The following CGGBP1 variants were observed in gnomAD, a reference collection of about 807,000 sequenced individuals.
The protein encoded by CGGBP1 is CGG triplet repeat binding protein 1.
A neutral mutation model predicts 11.4 loss-of-function variants in CGGBP1; 4 were observed. The observed-to-expected ratio is 0.35, with a 90% confidence interval of 0.17 to 0.80. CGGBP1 has a LOEUF of 0.80. Among genes scored for constraint, CGGBP1 ranks in the 30% least tolerant of loss-of-function variants. The pLI, the probability that CGGBP1 is intolerant of heterozygous loss-of-function variation, is 0.52. For synonymous variants in CGGBP1, 76 were observed against 74.1 expected (o/e 1.03, Z -0.13); for missense variants, 135 against 202.1 (o/e 0.67, Z 2.01).
rs1224208847 is a variant in CGGBP1, at chr3:88,058,902, G to A, written c.-418C>T. On this transcript the variant is annotated 5_prime_UTR_variant, in exon 1 of 4. Transcript: ENST00000482016. ...GAAGAAAGAGGAGCAAGGGAATAAG[G>A]GAGGAGGAGGATCCGTCGCTGCCGC... 5.5e-6 allele frequency: 1 copy of A among 180,330 alleles called. No homozygotes were observed. Among genetic ancestry groups the A allele is most frequent in the Admixed American group, 6.1e-5 (1 of 16,278 alleles). The allele number at this position is 180,330 out of a possible 1,614,324, so 11.2% of individuals were successfully genotyped here.
At chr3:88,072,973 GTTAGTTTTAAAATGTAGGCA>G (rs1228453825) in intron 2 of CGGBP1, among the ~76,000 whole-genome samples, 2 of 9,116 alleles carry the variant, frequency 2.2e-4, no homozygotes, top group East Asian at 0.013. Context: ...TAAAAAAATT[GTTAGTTTTAAAATGTAGGCA>G]TGAAGAAAGG....
intron 2 of CGGBP1, chr3:88,128,979 A>G: frequency 6.5e-7 from 1 of 1,534,702 alleles, no homozygotes; most frequent in Non-Finnish European, 8.7e-7. Flanking sequence ...ATGTCTGTTT[A>G]TGTCACCTGT....
Position 88,055,964 on chromosome 3 carries a change from C to G in CGGBP1, c.13G>C (p.Val5Leu). 6.2e-7 allele frequency: 1 copy of G among 1,609,326 alleles called. No homozygotes were observed. The highest frequency in any genetic ancestry group is 8.5e-7 in the Non-Finnish European group (1 of 1,176,972). MERF[V>L]VTAPPARNRS... is the part of the protein sequence containing the mutation. The stretch of plus-strand genomic sequence containing the variant: ...TTTCGAGCAGGTGGTGCTGTTACTA[C>G]AAATCGCTCCATTCTGACTCTAAAT... Residue 5 changes from valine to leucine, a missense_variant, in exon 4 of 4, where the codon GTA (valine) becomes CTA (leucine). Transcript: ENST00000482016. This position sits in a 1 kb window ranked among gnomAD's most constrained non-coding sequence, Gnocchi z 4.2.
chr3:88,086,164 A>C, intron 2 of CGGBP1: 1 of 1,195,640 alleles, frequency 8.4e-7, no homozygotes, highest in Non-Finnish European at 1.2e-6. Flanking sequence ...CCGATCTAAT[A>C]TTTTAATTTA....
intron 2 of CGGBP1, chr3:88,086,346 T>C: frequency 1.3e-6 from 2 of 1,535,608 alleles, no homozygotes; most frequent in Non-Finnish European, 1.7e-6. Context: ...CAACAGCCAG[T>C]GCATCATTCC....
intron 2 of CGGBP1, among the ~76,000 whole-genome samples, chr3:88,081,667 T>A (rs1708083271): frequency 6.6e-6 from 1 of 152,272 alleles, no homozygotes; most frequent in Non-Finnish European, 1.5e-5. Flanking sequence ...TCCTTCAGGT[T>A]GGCTTCCATA....
chr3:88,087,974 T>C (rs1368044468), intron 2 of CGGBP1, among the ~76,000 whole-genome samples: 7 of 152,212 alleles, frequency 4.6e-5, no homozygotes, highest in Non-Finnish European at 1.0e-4. Context: ...GATTTCAGAT[T>C]TCTGGATTAG....
At chr3:88,059,621 G>A (rs1706727606), upstream of CGGBP1, 3 of 1,384,152 alleles carry the variant, frequency 2.2e-6, no homozygotes, top group East Asian at 5.7e-5. Context: ...TCCCCAACAA[G>A]GAGGGTGAGG....
Position 88,138,636 on chromosome 3 carries a change from T to C in CGGBP1, c.-229+2334A>G, listed in dbSNP as rs1165656472. ...CTTTCATTTTAAGAGTTGTGTTTTTTAAAGATAGACTAGTATAACCATTTT... is the reference window on the plus strand; with the variant it reads ...CTTTCATTTTAAGAGTTGTGTTTTTCAAAGATAGACTAGTATAACCATTTT... On this transcript the variant is annotated intron_variant, in intron 2 of 3. Transcript: ENST00000462901. 5 of 952,970 alleles carry C rather than the reference T, an allele frequency of 5.2e-6. No individual in the cohort carries two copies. The Admixed American group carries it at 1.7e-4, about 33-fold the overall frequency. 59.0% of individuals were successfully genotyped at this position (952,970 alleles called of 1,614,324 possible).
intron 2 of CGGBP1, among the ~76,000 whole-genome samples, chr3:88,065,305 C>A (rs567440005): frequency 6.6e-6 from 1 of 151,970 alleles, no homozygotes; most frequent in African/African-American, 2.4e-5. Flanking sequence ...TCCTTAATGC[C>A]TTTATAGGTT....
chr3:88,133,181 C>T (rs1468776761), intron 2 of CGGBP1, among the ~76,000 whole-genome samples: 2 of 152,078 alleles, frequency 1.3e-5, no homozygotes, highest in Non-Finnish European at 2.9e-5. Flanking sequence ...AAGGGGAATG[C>T]AGAGGAGGGT....
At chr3:88,123,717 A>G (rs545715402) in intron 2 of CGGBP1, among the ~76,000 whole-genome samples, 2 of 152,300 alleles carry the variant, frequency 1.3e-5, no homozygotes, top group South Asian at 4.1e-4. Context: ...TGCCTCACCT[A>G]TCCTTAGACA....
At chr3:88,059,344 G>A (rs1259652363), upstream of CGGBP1, 3 of 1,534,716 alleles carry the variant, frequency 2.0e-6, no homozygotes, top group Non-Finnish European at 2.6e-6. Context: ...GAGCGACCAA[G>A]AGGCCGAACG....
At chr3:88,076,393 T>C (rs1707802727) in intron 2 of CGGBP1, among the ~76,000 whole-genome samples, 1 of 152,224 alleles carries the variant, frequency 6.6e-6, no homozygotes, top group African/African-American at 2.4e-5. Flanking sequence ...TTTTCATCTT[T>C]AAGTACAGTT....
chr3:88,131,765 C>A (rs535754924), intron 2 of CGGBP1, among the ~76,000 whole-genome samples: 7 of 152,114 alleles, frequency 4.6e-5, no homozygotes, highest in African/African-American at 1.7e-4. Flanking sequence ...TCTTCTACCT[C>A]TTTTCTATAT....
intron 2 of CGGBP1, among the ~76,000 whole-genome samples, chr3:88,131,276 T>C (rs1334420901): frequency 5.9e-5 from 9 of 152,226 alleles, no homozygotes; most frequent in African/African-American, 2.2e-4. Flanking sequence ...CACTGTTGTA[T>C]ACGCAGTCTT....
At chr3:88,143,494 G>A (rs1707223005) in intron 1 of CGGBP1, 1 of 152,204 alleles carries the variant, frequency 6.6e-6, no homozygotes, top group African/African-American at 2.4e-5. Flanking sequence ...GTAATAAAAA[G>A]TCTGTTTGGA....
At chr3:88,105,697 T>A (rs530198789) in intron 2 of CGGBP1, among the ~76,000 whole-genome samples, 227 of 152,296 alleles carry the variant, frequency 1.5e-3, no homozygotes, top group Non-Finnish European at 1.3e-3. Flanking sequence ...ATCTTCTGAT[T>A]TTTTTTGACT....
At chr3:88,109,938 A>T (rs543936492) in intron 2 of CGGBP1, among the ~76,000 whole-genome samples, 43 of 152,264 alleles carry the variant, frequency 2.8e-4, no homozygotes, top group South Asian at 1.4e-3. Flanking sequence ...TCAGATTTTT[A>T]AAAAAATCTT....
Sources: allele counts gnomAD v4.1 joint callset (sites outside exome capture counted in the v4.1 genomes callset), GRCh38; gene constraint gnomAD v4.1.1; non-coding constraint Gnocchi (gnomAD v3.1); transcripts MANE v1.5; gene names NCBI Gene and HGNC (gene_info 2026-07-23, HGNC 2026-07-21).